The following DLD variants were observed in gnomAD, a reference collection of about 807,000 sequenced individuals.
DLD encodes the protein dihydrolipoyl dehydrogenase, mitochondrial.
A neutral mutation model predicts 62.2 loss-of-function variants in DLD; 36 were observed. That is an observed-to-expected ratio of 0.58 (90% CI 0.44 to 0.76). DLD has a LOEUF of 0.76. Ranked by LOEUF, DLD falls within the 30% of genes least tolerant of loss-of-function variation. DLD has a pLI of 0.00. For missense variants in DLD, 541 were observed against 608.6 expected, an observed-to-expected ratio of 0.89 and a Z score of 1.17; for synonymous variants, 204 against 199.6, an observed-to-expected ratio of 1.02 and a Z score of -0.19.
intron 2 of DLD, among the ~76,000 whole-genome samples, chr7:107,894,516 G>A (rs1451655143): frequency 6.6e-6 from 1 of 152,208 alleles, no homozygotes; most frequent in Non-Finnish European, 1.5e-5. Context: ...CTAATATGAT[G>A]ATGAAGGGAA....
In DLD at chr7:107,920,992, A is replaced by C. The variant is rs920045217; in HGVS notation, c.*1733A>C. The stretch of plus-strand genomic sequence containing the variant: ...TTTAAAAATTTGAAATCCCGGTATC[A>C]TGTGAAGTGCTGTTTATGTAAATCT... On this transcript the variant is annotated 3_prime_UTR_variant, in exon 14 of 14. Coordinates refer to ENST00000205402, the MANE Select transcript of DLD (RefSeq NM_000108.5). 3 of 152,332 alleles carry C rather than the reference A, an allele frequency of 2.0e-5. No homozygotes were observed. The highest frequency in any genetic ancestry group is 7.2e-5 in the African/African-American group (3 of 41,448). The allele number at this position is 152,332 out of a possible 1,614,324, so 9.4% of individuals were successfully genotyped here.
At chr7:107,906,079 T>C (rs1356865066) in intron 7 of DLD, among the ~76,000 whole-genome samples, 188 bp from the exon 8 acceptor site, 1 of 152,166 alleles carries the variant, frequency 6.6e-6, no homozygotes, top group Non-Finnish European at 1.5e-5. Context: ...TATGCTGTAT[T>C]GTTTAGGGAA....
chr7:107,893,751 C>T (rs1363553485), intron 2 of DLD, among the ~76,000 whole-genome samples: 1 of 151,946 alleles, frequency 6.6e-6, no homozygotes, highest in Non-Finnish European at 1.5e-5. Context: ...GCTGGTATGA[C>T]TGGAGCAGAA....
intron 2 of DLD, among the ~76,000 whole-genome samples, chr7:107,897,506 T>C (rs1430139625): frequency 2.0e-5 from 3 of 151,984 alleles, no homozygotes; most frequent in Non-Finnish European, 4.4e-5. Context: ...CATAAGACAG[T>C]ACACGTGACT....
intron 2 of DLD, among the ~76,000 whole-genome samples, chr7:107,896,554 C>T (rs187461196): frequency 7.2e-5 from 11 of 152,142 alleles, no homozygotes; most frequent in African/African-American, 2.4e-4. Flanking sequence ...CTTTAGGGAC[C>T]AGGAGGTTAT....
chr7:107,904,614 A>T, intron 5 of DLD: 1 of 437,620 alleles, frequency 2.3e-6, no homozygotes, highest in South Asian at 1.7e-5. Context: ...CTTTATTTAA[A>T]ATTTCAGATG....
Position 107,902,404 on chromosome 7 carries a change from G to A in DLD, c.267+11G>A, listed in dbSNP as rs2031898417. 1 of 1,612,736 alleles carries A rather than the reference G, an allele frequency of 6.2e-7. No homozygotes were observed. The highest frequency in any genetic ancestry group is 1.3e-5 in the African/African-American group (1 of 74,890). On this transcript the variant is annotated intron_variant, in intron 4 of 13. Transcript: ENST00000205402. ...TGTATTCCTTCTAAGGTGAGCATGT[G>A]TTTTGTACAGCACAGAGATTGTTTT...
At chr7:107,896,025 C>T (rs566953570) in intron 2 of DLD, among the ~76,000 whole-genome samples, 4 of 152,256 alleles carry the variant, frequency 2.6e-5, no homozygotes, top group African/African-American at 9.6e-5. Flanking sequence ...TGCATGTAGG[C>T]TAAGAGTAGT....
chr7:107,905,037 C>T lies in DLD; in HGVS notation c.417C>T (p.Ala139=). 1 of 1,610,378 alleles carries T rather than the reference C, an allele frequency of 6.2e-7. No individual in the cohort carries two copies. Reference sequence around the variant, plus strand: ...TAAAAGCTTTAACAGGTGGAATTGCCCACTTATTCAAACAGAATAAGGTCA... The same window carrying T: ...TAAAAGCTTTAACAGGTGGAATTGCTCACTTATTCAAACAGAATAAGGTCA... ...TAVKALTGGI[A]HLFKQNKVVH... The change falls in exon 6 of 14, where the codon GCC becomes GCT. Residue 139 remains alanine (A), a synonymous_variant. Coordinates refer to ENST00000205402, the MANE Select transcript of DLD (RefSeq NM_000108.5).
At position 107,892,339 on chromosome 7, in the gene DLD, C is replaced by T. The variant is rs559533201; in HGVS notation, c.40-861C>T. On this transcript the variant is annotated intron_variant, in intron 1 of 13. Transcript: ENST00000205402. ...GTAGCACCAGAACGTAAGTACATTA[C>T]TTGGTGCATTTTCCTAAGTTACCTT... Among the ~76,000 whole-genome samples, 13 of 152,286 alleles carry T rather than the reference C, an allele frequency of 8.5e-5. No individual in the cohort carries two copies. In the South Asian group the frequency reaches 2.7e-3, roughly 32 times the overall value.
At chr7:107,914,127 G>A (rs1452690707) in intron 8 of DLD, among the ~76,000 whole-genome samples, 1 of 151,924 alleles carries the variant, frequency 6.6e-6, no homozygotes, top group Non-Finnish European at 1.5e-5. Context: ...ATTCATTGTG[G>A]TTTTAACTTA....
At chr7:107,910,224 C>A (rs1307778489) in intron 8 of DLD, among the ~76,000 whole-genome samples, 1 of 152,158 alleles carries the variant, frequency 6.6e-6, no homozygotes, top group Non-Finnish European at 1.5e-5. Flanking sequence ...AATAATATTT[C>A]TTCTGTTCAT....
chr7:107,905,131 T>A, intron 6 of DLD, 73 bp downstream of exon 6: 1 of 1,171,150 alleles, frequency 8.5e-7, no homozygotes, highest in Non-Finnish European at 1.3e-6. Flanking sequence ...AGTGATGATA[T>A]TTGAACTTGG....
chr7:107,913,631 T>G (rs2032195893), intron 8 of DLD, among the ~76,000 whole-genome samples: 2 of 152,052 alleles, frequency 1.3e-5, no homozygotes, highest in Admixed American at 1.3e-4. Context: ...AGTTTTTTGG[T>G]GGAGTCTTTA....
In DLD at chr7:107,909,325, C is replaced by T. The variant is rs76845776; in HGVS notation, c.684+2957C>T. 4.9e-3 allele frequency among the ~76,000 whole-genome samples: 744 copies of T among 152,228 alleles called. 7 individuals are homozygous for T. Among genetic ancestry groups the T allele is most frequent in the African/African-American group, 0.017 (691 of 41,528 alleles). ...TAGTTCGTAAATTTTGGAAGTATGACAATTAAGGCATGCAGTCCCATCATC... is the reference window on the plus strand; with the variant it reads ...TAGTTCGTAAATTTTGGAAGTATGATAATTAAGGCATGCAGTCCCATCATC... On this transcript the variant is annotated intron_variant, in intron 8 of 13. Coordinates refer to ENST00000205402, the MANE Select transcript of DLD (RefSeq NM_000108.5).
In DLD at chr7:107,905,386, A is replaced by G. The variant is rs771815950; in HGVS notation, c.464A>G (p.Lys155Arg). 1 of 1,613,748 alleles carries G rather than the reference A, an allele frequency of 6.2e-7. No individual in the cohort carries two copies. The highest frequency in any genetic ancestry group is 2.2e-5 in the East Asian group (1 of 44,856). ...GTTGTTCATGTCAATGGATATGGAAAGATAACTGGCAAAAATCAAGTCACT... is the reference window on the plus strand; with the variant it reads ...GTTGTTCATGTCAATGGATATGGAAGGATAACTGGCAAAAATCAAGTCACT... Reference protein sequence around the residue: ...NKVVHVNGYGKITGKNQVTAT... With the variant: ...NKVVHVNGYGRITGKNQVTAT... The change falls in exon 7 of 14, where the codon AAG becomes AGG. Residue 155 changes from lysine (K) to arginine (R), a missense_variant. Physicochemically the swap from Lys to Arg is conservative, Grantham distance 26. Transcript: ENST00000205402.
At chr7:107,897,511 G>A (rs537615327) in intron 2 of DLD, among the ~76,000 whole-genome samples, 103 of 151,694 alleles carry the variant, frequency 6.8e-4, no homozygotes, top group African/African-American at 2.3e-3. Context: ...GACAGTACAC[G>A]TGACTGGCTC....
At chr7:107,905,081 T>G in intron 6 of DLD, 23 bp downstream of exon 6, 1 of 1,512,490 alleles carries the variant, frequency 6.6e-7, no homozygotes, top group Middle Eastern at 1.8e-4. Context: ...TATTCAGATT[T>G]CTGCTTTACT....
At position 107,920,215 on chromosome 7, in the gene DLD, A is replaced by T. The variant is rs2032375681; in HGVS notation, c.*956A>T. ...ATCTGTGTTTTCCTTGGCTGGGTTA[A>T]TGACTGTTTATTTAAAGAGTGTTGT... On this transcript the variant is annotated 3_prime_UTR_variant, in exon 14 of 14. Transcript: ENST00000205402. 6.6e-6 allele frequency: 1 copy of T among 152,340 alleles called. No homozygotes were observed. Among genetic ancestry groups the T allele is most frequent in the Non-Finnish European group, 1.5e-5 (1 of 68,040 alleles). 9.4% of individuals were successfully genotyped at this position (152,340 alleles called of 1,614,324 possible).
Sources: allele counts gnomAD v4.1 joint callset (sites outside exome capture counted in the v4.1 genomes callset), GRCh38; gene constraint gnomAD v4.1.1; transcripts MANE v1.5; gene names NCBI Gene and HGNC (gene_info 2026-07-23, HGNC 2026-07-21).